The following MARK2 variants were observed in gnomAD, a reference collection of about 807,000 sequenced individuals.
MARK2 encodes the protein microtubule affinity regulating kinase 2, also known as serine/threonine-protein kinase MARK2.
A neutral mutation model predicts 89.8 loss-of-function variants in MARK2; 16 were observed. The ratio of observed to expected loss-of-function variants is 0.18; its 90% CI spans 0.12 to 0.27. The LOEUF (loss-of-function observed/expected upper bound fraction) is 0.27. Among genes scored for constraint, MARK2 ranks in the 10% least tolerant of loss-of-function variants. MARK2 has a pLI of 1.00. For missense variants in MARK2, 621 were observed against 1,049.9 expected, an observed-to-expected ratio of 0.59 and a Z score of 5.65; for synonymous variants, 382 against 399.5, an observed-to-expected ratio of 0.96 and a Z score of 0.52.
intron 6 of MARK2, 106 bp from the exon 7 acceptor site, chr11:63,898,946 C>T: frequency 8.1e-7 from 1 of 1,238,560 alleles, no homozygotes; most frequent in Non-Finnish European, 1.2e-6. Flanking sequence ...TTGGGCTCTG[C>T]TTATCCGTGT....
Position 63,902,234 on chromosome 11 carries a change from T to C in MARK2, c.1138T>C (p.Ser380Pro), listed in dbSNP as rs991071775. ...GDTITLKPRPSADLTNSSAPS... is the reference protein window; with the variant it reads ...GDTITLKPRPPADLTNSSAPS... ...CACCATCACCCTGAAACCCCGGCCT[T>C]CAGCTGATCTGACCAATAGCAGCGC... The change falls in exon 12 of 19, where the codon TCA becomes CCA. Residue 380 changes from serine to proline, a missense_variant. Ser to Pro is a moderately conservative substitution (Grantham distance 74). Around this residue, in one of 5 missense-constraint regions of MARK2, gnomAD observed 397 missense variants for 567.8 expected, o/e 0.70. Coordinates refer to ENST00000402010, the MANE Select transcript of MARK2 (RefSeq NM_001039469.3). This position sits in a 1 kb window ranked among gnomAD's most constrained non-coding sequence, Gnocchi z 4.2. 3 of 1,614,124 alleles carry C rather than the reference T, an allele frequency of 1.9e-6. No homozygotes were observed. The highest frequency in any genetic ancestry group is 2.5e-6 in the Non-Finnish European group (3 of 1,180,010).
At chr11:63,888,189 C>T (rs1209293811) in intron 1 of MARK2, among the ~76,000 whole-genome samples, 2 of 152,058 alleles carry the variant, frequency 1.3e-5, no homozygotes, top group East Asian at 3.9e-4. Flanking sequence ...GTAGGAGGTC[C>T]GTCCGCCACT....
chr11:63,846,166 A>G (rs207471980), intron 1 of MARK2, among the ~76,000 whole-genome samples: 3 of 152,060 alleles, frequency 2.0e-5, no homozygotes, highest in Non-Finnish European at 2.9e-5. Flanking sequence ...TCCTCCTCTG[A>G]TAAGTATAAA....
chr11:63,883,224 G>A (rs910039697), intron 1 of MARK2, among the ~76,000 whole-genome samples: 13 of 152,180 alleles, frequency 8.5e-5, no homozygotes, highest in Non-Finnish European at 1.2e-4. Flanking sequence ...CAGGACCACT[G>A]TCGTCATCCT....
At chr11:63,892,584 A>G (rs1238827371) in intron 1 of MARK2, among the ~76,000 whole-genome samples, 1 of 152,052 alleles carries the variant, frequency 6.6e-6, no homozygotes, top group African/African-American at 2.4e-5. Context: ...TGTTTCCTTG[A>G]AGTTTCCAAG....
intron 1 of MARK2, among the ~76,000 whole-genome samples, chr11:63,865,349 C>A (rs915134787): frequency 1.3e-5 from 2 of 152,150 alleles, no homozygotes; most frequent in African/African-American, 4.8e-5. Context: ...AGCGACCCTC[C>A]CACCTCAGCC....
At position 63,900,928 on chromosome 11, in the gene MARK2, C is replaced by T; in HGVS notation, c.989-29C>T. The stretch of plus-strand genomic sequence containing the variant: ...GTTAAGCTTGCCTAGGAGTTGAGGC[C>T]AGTCTTAACTGTATGTCCCCCTGTG... On this transcript the variant is annotated intron_variant, in intron 10 of 18. Coordinates refer to ENST00000402010, the MANE Select transcript of MARK2 (RefSeq NM_001039469.3). This position sits in a 1 kb window ranked among gnomAD's most constrained non-coding sequence, Gnocchi z 4.7. 2 of 1,608,112 alleles carry T rather than the reference C, an allele frequency of 1.2e-6. No homozygotes were observed. Among genetic ancestry groups the T allele is most frequent in the Non-Finnish European group, 1.7e-6 (2 of 1,174,480 alleles).
intron 1 of MARK2, among the ~76,000 whole-genome samples, chr11:63,871,379 G>A (rs909143243): frequency 1.3e-5 from 2 of 151,196 alleles, no homozygotes; most frequent in Non-Finnish European, 2.9e-5. Flanking sequence ...AGTATTCACC[G>A]TGTGCAGGTG....
intron 1 of MARK2, among the ~76,000 whole-genome samples, chr11:63,842,358 A>G (rs947583147): frequency 6.6e-6 from 1 of 152,028 alleles, no homozygotes; most frequent in Non-Finnish European, 1.5e-5. Context: ...CTGGGACTAC[A>G]GGCACACACC....
At chr11:63,878,359 CTTTTTTTTTTT>C (rs59251368) in intron 1 of MARK2, among the ~76,000 whole-genome samples, 13 of 72,712 alleles carry the variant, frequency 1.8e-4, no homozygotes, top group African/African-American at 5.0e-4. Context: ...TTGTTCAAGT[CTTTTTTTTTTT>C]TTTTTTTTTT....
chr11:63,867,459 T>G (rs1410776091), intron 1 of MARK2, among the ~76,000 whole-genome samples: 1 of 152,136 alleles, frequency 6.6e-6, no homozygotes, highest in East Asian at 1.9e-4. Flanking sequence ...CTTGTGACAT[T>G]GGGGTTTTGG....
At chr11:63,881,391 T>A (rs780036713) in intron 1 of MARK2, among the ~76,000 whole-genome samples, 5 of 152,178 alleles carry the variant, frequency 3.3e-5, no homozygotes, top group Non-Finnish European at 5.9e-5. Context: ...GGGCAACGAA[T>A]GCCTCGAAAG....
chr11:63,897,278 C>G (rs575257913), intron 3 of MARK2, among the ~76,000 whole-genome samples: 4 of 152,176 alleles, frequency 2.6e-5, no homozygotes, highest in Non-Finnish European at 5.9e-5. Context: ...CCTCTCCATC[C>G]AAAATATCTG....
At chr11:63,899,025 G>A (rs776177216) in intron 6 of MARK2, 27 bp from the exon 7 acceptor site, 23 of 1,578,870 alleles carry the variant, frequency 1.5e-5, no homozygotes, top group Non-Finnish European at 2.0e-5. Context: ...AGGCACCCCT[G>A]GGTTAACCCT....
At position 63,908,245 on chromosome 11, in the gene MARK2, G is replaced by C; in HGVS notation, c.1962-15G>C. On this transcript the variant is annotated splice_polypyrimidine_tract_variant and intron_variant, in intron 17 of 18. Coordinates refer to ENST00000402010, the MANE Select transcript of MARK2 (RefSeq NM_001039469.3). ...AGATCCCAGCACTAAACTCTCCCTC[G>C]CTCTGTTTTTTGAGGAACCTGAATG... The C allele has an allele frequency of 6.4e-7, 1 of 1,556,222 alleles. No homozygotes were observed. The highest frequency in any genetic ancestry group is 8.7e-7 in the Non-Finnish European group (1 of 1,149,040).
chr11:63,909,391 A>G lies in MARK2; in HGVS notation c.*154A>G, dbSNP rs1941605431. ...CTGGCCCTTCTCAGTTTTCTCTTACATGTTTGTGGGGGGTGGGAGATTGTT... is the reference window on the plus strand; with the variant it reads ...CTGGCCCTTCTCAGTTTTCTCTTACGTGTTTGTGGGGGGTGGGAGATTGTT... On this transcript the variant is annotated 3_prime_UTR_variant, in exon 19 of 19. Transcript: ENST00000402010. 2.6e-6 allele frequency: 2 copies of G among 755,062 alleles called. No individual in the cohort carries two copies. Among genetic ancestry groups the G allele is most frequent in the Non-Finnish European group, 4.0e-6 (2 of 502,640 alleles). 46.8% of individuals were successfully genotyped at this position (755,062 alleles called of 1,614,324 possible).
intron 1 of MARK2, among the ~76,000 whole-genome samples, chr11:63,865,575 G>C (rs1313035719): frequency 1.4e-4 from 22 of 152,214 alleles, no homozygotes; most frequent in Non-Finnish European, 4.4e-5. Flanking sequence ...CTTGGAGAGT[G>C]TGGCAGTGCT....
Position 63,901,028 on chromosome 11 carries a change from G to T in MARK2, c.1060G>T (p.Val354Leu). Residue 354 changes from valine to leucine, a missense_variant, in exon 11 of 19, where the codon GTG becomes TTG. By Grantham distance (32) the Val-to-Leu change is conservative (BLOSUM62 1). Transcript: ENST00000402010. ...DSLVGQRYNE[V>L]MATYLLLGYK... ...GCTGGTGGGCCAGAGATACAACGAG[G>T]TGATGGCCACCTATCTGCTCCTGGG... 1 of 1,614,110 alleles carries T rather than the reference G, an allele frequency of 6.2e-7. No homozygotes were observed. Among genetic ancestry groups the T allele is most frequent in the Non-Finnish European group, 8.5e-7 (1 of 1,179,968 alleles).
chr11:63,871,025 G>A (rs1415362788), intron 1 of MARK2, among the ~76,000 whole-genome samples: 1 of 152,110 alleles, frequency 6.6e-6, no homozygotes, highest in African/African-American at 2.4e-5. Context: ...GAAACCATGT[G>A]GATCTAATTT....
Sources: gnomAD v4.1 joint callset for allele counts (sites outside exome capture counted in the v4.1 genomes callset) on GRCh38, gnomAD v4.1.1 for gene constraint, gnomAD v4.1.1 regional missense constraint, Gnocchi (gnomAD v3.1) non-coding constraint, MANE v1.5 for transcripts, NCBI Gene and HGNC (gene_info 2026-07-23, HGNC 2026-07-21) for gene names.